The following PLPPR4 variants were observed in gnomAD, a reference collection of about 807,000 sequenced individuals.
PLPPR4 encodes the protein phospholipid phosphatase-related protein type 4.
Under a neutral mutation model 56.6 loss-of-function variants are expected in PLPPR4, and 24 were observed. The ratio of observed to expected loss-of-function variants is 0.42; its 90% CI spans 0.31 to 0.60. The LOEUF (loss-of-function observed/expected upper bound fraction) is 0.60, where lower values mean the gene tolerates loss of function less well. Ranked by LOEUF, PLPPR4 falls within the 20% of genes least tolerant of loss-of-function variation. PLPPR4 has a pLI of 0.13. For missense variants in PLPPR4, 654 were observed against 885.8 expected (o/e 0.74, Z 3.32); for synonymous variants, 326 against 328.1 (o/e 0.99, Z 0.07).
intron 1 of PLPPR4, among the ~76,000 whole-genome samples, chr1:99,276,223 G>T (rs2100788445): frequency 1.3e-5 from 2 of 152,260 alleles, no homozygotes; most frequent in Middle Eastern, 3.4e-3. Context: ...AGATGTGTAT[G>T]TAGGAGACAA....
intron 1 of PLPPR4, among the ~76,000 whole-genome samples, chr1:99,273,830 T>C (rs1659116172): frequency 6.6e-6 from 1 of 152,130 alleles, no homozygotes; most frequent in South Asian, 2.1e-4. Context: ...TTAACTGTCT[T>C]TTATCAGCTG....
chr1:99,298,615 A>G (rs1659804164), intron 3 of PLPPR4, among the ~76,000 whole-genome samples: 1 of 152,160 alleles, frequency 6.6e-6, no homozygotes, highest in Non-Finnish European at 1.5e-5. Context: ...AGGGTGTGAT[A>G]ACTGTGGCTA....
chr1:99,266,894 T>A (rs541116735), intron 1 of PLPPR4, among the ~76,000 whole-genome samples: 80 of 152,366 alleles, frequency 5.3e-4, no homozygotes, highest in Non-Finnish European at 1.0e-3. Flanking sequence ...CTGGTGAGAA[T>A]GCACTAAATT....
At chr1:99,280,158 G>C (rs968829102) in intron 1 of PLPPR4, among the ~76,000 whole-genome samples, 1 of 152,200 alleles carries the variant, frequency 6.6e-6, no homozygotes, top group Non-Finnish European at 1.5e-5. Flanking sequence ...GAGGAGGAAA[G>C]CCAGTTGAGT....
At chr1:99,296,928 T>A in intron 3 of PLPPR4, 61 bp downstream of exon 3, 1 of 1,396,486 alleles carries the variant, frequency 7.2e-7, no homozygotes, top group Middle Eastern at 2.2e-4. Flanking sequence ...AATGTTATAT[T>A]TAATTATAGA....
chr1:99,291,121 G>A (rs930531796), intron 2 of PLPPR4, among the ~76,000 whole-genome samples: 4 of 151,358 alleles, frequency 2.6e-5, no homozygotes, highest in Admixed American at 1.3e-4. Flanking sequence ...TAAAAAGTGG[G>A]CAAAGGACAT....
At chr1:99,296,674 T>C in intron 2 of PLPPR4, 64 bp from the exon 3 acceptor site, 1 of 1,369,014 alleles carries the variant, frequency 7.3e-7, no homozygotes, top group Non-Finnish European at 9.9e-7. Context: ...ATAATTCCTT[T>C]ATACCTGTTG....
chr1:99,296,643 T>C, intron 2 of PLPPR4, 95 bp from the exon 3 acceptor site: 1 of 990,162 alleles, frequency 1.0e-6, no homozygotes, highest in South Asian at 3.0e-5. Flanking sequence ...TTTATTGAAT[T>C]GATATGTTAA....
intron 1 of PLPPR4, among the ~76,000 whole-genome samples, chr1:99,277,665 T>G (rs781154546): frequency 4.6e-5 from 7 of 152,170 alleles, no homozygotes; most frequent in African/African-American, 7.2e-5. Flanking sequence ...ATAAATTCAA[T>G]GCATGTTCTT....
At chr1:99,272,765 G>A (rs1659088795) in intron 1 of PLPPR4, among the ~76,000 whole-genome samples, 1 of 152,080 alleles carries the variant, frequency 6.6e-6, no homozygotes, top group African/African-American at 2.4e-5. Flanking sequence ...TATAATTTAT[G>A]TCATCAGTTA....
chr1:99,269,814 G>T (rs748785484), intron 1 of PLPPR4, among the ~76,000 whole-genome samples: 1 of 152,188 alleles, frequency 6.6e-6, no homozygotes, highest in South Asian at 2.1e-4. Context: ...TTATTCATAC[G>T]AGAAAACACA....
intron 6 of PLPPR4, among the ~76,000 whole-genome samples, chr1:99,302,547 G>A (rs897042975): frequency 1.3e-5 from 2 of 150,750 alleles, no homozygotes; most frequent in Non-Finnish European, 3.0e-5. Flanking sequence ...AAGTTTTAGG[G>A]TACATGTGCA....
chr1:99,269,978 CAG>C (rs1659007757), intron 1 of PLPPR4, among the ~76,000 whole-genome samples: 1 of 150,396 alleles, frequency 6.6e-6, no homozygotes, highest in Admixed American at 6.7e-5. Context: ...TAAGATTACT[CAG>C]AAAGTTTTCA....
chr1:99,286,348 T>C (rs1034326657), intron 1 of PLPPR4, among the ~76,000 whole-genome samples: 6 of 152,200 alleles, frequency 3.9e-5, no homozygotes, highest in African/African-American at 7.2e-5. Flanking sequence ...CAAGTATTGA[T>C]TGCTTCCTTA....
At chr1:99,297,156 A>T (rs772971878) in intron 3 of PLPPR4, among the ~76,000 whole-genome samples, 3 of 152,160 alleles carry the variant, frequency 2.0e-5, no homozygotes, top group African/African-American at 7.2e-5. Context: ...AAATGGTTTC[A>T]CTGGATCTGT....
rs1230566147 is a variant in PLPPR4 at position 99,264,681 on chromosome 1, C to T, written c.78+10C>T. 159 of 1,550,170 alleles carry T rather than the reference C, an allele frequency of 1.0e-4. No homozygotes were observed. The highest frequency in any genetic ancestry group is 1.3e-4 in the Non-Finnish European group (152 of 1,146,674). On this transcript the variant is annotated intron_variant, in intron 1 of 6. Transcript: ENST00000370185. Reference sequence around the variant, plus strand: ...CTTTTATTTCGTCGAGGTGAGTTGGCCCAGTGCCTTGGCATAATGCAGATC... The same window carrying T: ...CTTTTATTTCGTCGAGGTGAGTTGGTCCAGTGCCTTGGCATAATGCAGATC...
At chr1:99,276,056 G>T (rs188806510) in intron 1 of PLPPR4, among the ~76,000 whole-genome samples, 11 of 152,264 alleles carry the variant, frequency 7.2e-5, no homozygotes, top group African/African-American at 2.6e-4. Context: ...AGTTATTAAT[G>T]TCCCACATTA....
At chr1:99,299,788 C>T (rs1659837183) in intron 4 of PLPPR4, among the ~76,000 whole-genome samples, 1 of 151,916 alleles carries the variant, frequency 6.6e-6, no homozygotes, top group Non-Finnish European at 1.5e-5. Context: ...TGCATAGCTT[C>T]TGGCCTTACA....
intron 2 of PLPPR4, 114 bp downstream of exon 2, chr1:99,288,264 A>T: frequency 1.2e-6 from 1 of 863,470 alleles, no homozygotes; most frequent in Non-Finnish European, 1.8e-6. Context: ...TCCTAAATCA[A>T]AGTCATGTCT....
Sources: allele counts gnomAD v4.1 joint callset (sites outside exome capture counted in the v4.1 genomes callset), GRCh38; gene constraint gnomAD v4.1.1; transcripts MANE v1.5; gene names NCBI Gene and HGNC (gene_info 2026-07-23, HGNC 2026-07-21).